Variants in FRMPD4 observed in about 807,000 individuals in gnomAD.
FRMPD4 encodes FERM and PDZ domain containing 4.
Under a neutral mutation model 94.1 loss-of-function variants are expected in FRMPD4, and 22 were observed. The observed-to-expected ratio is 0.23, with a 90% CI of 0.17 to 0.33. FRMPD4 has a LOEUF of 0.33. FRMPD4 is among the 10% of genes least tolerant of loss of function. FRMPD4 has a pLI of 1.00. For synonymous variants in FRMPD4, 631 were observed against 548.6 expected, an observed-to-expected ratio of 1.15 and a Z score of -2.10; for missense variants, 1,111 against 1,339.9, an observed-to-expected ratio of 0.83 and a Z score of 2.67.
chrX:12,575,716 G>C (rs933464156), intron 2 of FRMPD4, among the ~76,000 whole-genome samples: 3 of 111,892 alleles, frequency 2.7e-5, no homozygotes, highest in African/African-American at 9.8e-5. Context: ...TAATCACAAG[G>C]GTCCTTAAAT....
At chrX:12,139,966 C>G (rs1000432762) in intron 1 of FRMPD4, among the ~76,000 whole-genome samples, 3 of 112,265 alleles carry the variant, frequency 2.7e-5, no homozygotes, top group Non-Finnish European at 3.8e-5. Flanking sequence ...GCAATATGGA[C>G]AGAATAATCC....
chrX:12,635,907 A>T (rs962282828), intron 4 of FRMPD4, among the ~76,000 whole-genome samples: 1 of 111,434 alleles, frequency 9.0e-6, no homozygotes, highest in Non-Finnish European at 1.9e-5. Context: ...GTAGTCATCA[A>T]CTCATGACCA....
chrX:12,236,561 TAAAG>T (rs1243035321), intron 1 of FRMPD4, among the ~76,000 whole-genome samples: 1 of 111,526 alleles, frequency 9.0e-6, no homozygotes, highest in East Asian at 2.8e-4. Flanking sequence ...AAAGGAAAAA[TAAAG>T]GAATTTATAT....
intron 2 of FRMPD4, among the ~76,000 whole-genome samples, chrX:12,560,477 G>GAA (rs199808235): frequency 2.8e-4 from 23 of 82,854 alleles, no homozygotes; most frequent in East Asian, 1.3e-3. Flanking sequence ...CTTTAAAAAT[G>GAA]AAAAAAAAAA....
chrX:12,227,888 T>C (rs931299857), intron 1 of FRMPD4, among the ~76,000 whole-genome samples: 7 of 109,263 alleles, frequency 6.4e-5, no homozygotes, highest in African/African-American at 2.3e-4. Context: ...AAAAGACTAT[T>C]TCTGTGGAGT....
chrX:12,399,619 A>C lies in FRMPD4; in HGVS notation c.42-99061A>C, dbSNP rs191995283. 1.7e-3 allele frequency among the ~76,000 whole-genome samples: 194 copies of C among 112,158 alleles called. 3 individuals are homozygous for C. The highest frequency in any genetic ancestry group is 6.6e-3 in the Admixed American group (70 of 10,594). On this transcript the variant is annotated intron_variant, in intron 1 of 16. Transcript: ENST00000675598. Reference sequence around the variant, plus strand: ...CTTACAAAAAAGTAAGCTAGAAAAAAGAAAATGTTATTAAAATCATAAGGA... The same window carrying C: ...CTTACAAAAAAGTAAGCTAGAAAAACGAAAATGTTATTAAAATCATAAGGA...
intron 5 of FRMPD4, among the ~76,000 whole-genome samples, chrX:12,679,625 G>A (rs1256163019): frequency 2.7e-5 from 3 of 111,949 alleles, no homozygotes; most frequent in African/African-American, 9.8e-5. Context: ...ATGTGGGGAT[G>A]TTGAGGCAGC....
intron 3 of FRMPD4, among the ~76,000 whole-genome samples, chrX:12,025,923 C>T (rs775667476): frequency 5.4e-5 from 6 of 111,909 alleles, no homozygotes; most frequent in African/African-American, 1.9e-4. Context: ...ACCTGACCCA[C>T]GGAAATAATG....
At chrX:12,268,902 A>T (rs889184068) in intron 1 of FRMPD4, among the ~76,000 whole-genome samples, 5 of 112,372 alleles carry the variant, frequency 4.4e-5, no homozygotes, top group Admixed American at 1.9e-4. Flanking sequence ...TTTCGATCAC[A>T]TGCTTTCCAC....
At chrX:11,871,716 C>CA (rs2053757563) in intron 2 of FRMPD4, among the ~76,000 whole-genome samples, 1 of 111,810 alleles carries the variant, frequency 8.9e-6, no homozygotes, top group Admixed American at 9.5e-5. Context: ...TTAGAAGATG[C>CA]AAAATGTGGA....
chrX:12,250,947 G>A (rs938662822), intron 1 of FRMPD4, among the ~76,000 whole-genome samples: 1 of 111,577 alleles, frequency 9.0e-6, no homozygotes, highest in African/African-American at 3.3e-5. Flanking sequence ...TTCTGACCAG[G>A]GCACCAAAGC....
intron 3 of FRMPD4, among the ~76,000 whole-genome samples, chrX:12,099,003 A>T (rs1209879020): frequency 1.0e-5 from 1 of 96,701 alleles, no homozygotes; most frequent in African/African-American, 3.8e-5. Flanking sequence ...CATAGGTGGG[A>T]ATTGAACAAT....
chrX:11,827,671 A>T lies in FRMPD4; in HGVS notation c.-161+4956A>T, dbSNP rs1300734568. ...TGGTGCTTACCCTGCGTTTAAGGGAATCAAAAAGCTGTGCCTGTGACGGAT... is the reference window on the plus strand; with the variant it reads ...TGGTGCTTACCCTGCGTTTAAGGGATTCAAAAAGCTGTGCCTGTGACGGAT... On this transcript the variant is annotated intron_variant, in intron 1 of 18. Coordinates refer to the FRMPD4 transcript ENST00000640291. 3.6e-5 allele frequency among the ~76,000 whole-genome samples: 4 copies of T among 112,081 alleles called. No homozygotes were observed. In the East Asian group the frequency reaches 1.1e-3, roughly 31 times the overall value.
intron 1 of FRMPD4, among the ~76,000 whole-genome samples, chrX:12,438,999 A>C (rs1052075500): frequency 2.7e-5 from 3 of 111,214 alleles, no homozygotes; most frequent in Admixed American, 1.9e-4. Flanking sequence ...CTATCCTTAT[A>C]AGGATATGTT....
chrX:12,420,606 C>T (rs772226158), intron 1 of FRMPD4, among the ~76,000 whole-genome samples: 1 of 112,051 alleles, frequency 8.9e-6, no homozygotes, highest in Non-Finnish European at 1.9e-5. Context: ...CATCCTGGGC[C>T]ACCATCCCTG....
chrX:12,560,742 C>CTTTTTTTTTTTTTTTTTTTTTTTTTT (rs749269384), intron 2 of FRMPD4, among the ~76,000 whole-genome samples: 1 of 43,445 alleles, frequency 2.3e-5, no homozygotes. Context: ...CTCCCCTCAT[C>CTTTTTTTTTTTTTTTTTTTTTTTTTT]TTTTTTTTTT....
chrX:12,691,001 G>T (rs987026648), intron 8 of FRMPD4, among the ~76,000 whole-genome samples: 4 of 111,982 alleles, frequency 3.6e-5, no homozygotes, highest in Non-Finnish European at 7.5e-5. Context: ...TTATGGAAAG[G>T]GGTAGGAGGG....
chrX:12,467,785 CA>C (rs1383451930), intron 1 of FRMPD4, among the ~76,000 whole-genome samples: 2 of 111,955 alleles, frequency 1.8e-5, no homozygotes, highest in Admixed American at 9.5e-5. Flanking sequence ...GGAAAACATG[CA>C]TGCTGTTCTA....
At chrX:12,253,417 T>C (rs1019366997) in intron 1 of FRMPD4, among the ~76,000 whole-genome samples, 1 of 112,407 alleles carries the variant, frequency 8.9e-6, no homozygotes, top group Non-Finnish European at 1.9e-5. Flanking sequence ...ATAATCTATG[T>C]CCTTAATAAG....
Sources: gnomAD v4.1 joint callset for allele counts (sites outside exome capture counted in the v4.1 genomes callset) on GRCh38, gnomAD v4.1.1 for gene constraint, MANE v1.5 for transcripts, NCBI Gene and HGNC (gene_info 2026-07-23, HGNC 2026-07-21) for gene names.